The following TTLL5 variants were observed in gnomAD, a reference collection of about 807,000 sequenced individuals.
TTLL5 encodes tubulin polyglutamylase TTLL5.
In TTLL5, 132 loss-of-function variants were observed where a neutral mutation model predicts 168.4. The ratio of observed to expected loss-of-function variants is 0.78; its 90% CI spans 0.68 to 0.91. The LOEUF is 0.91. Ranked by LOEUF, TTLL5 falls within the 40% of genes least tolerant of loss-of-function variation. The pLI, the probability that TTLL5 is intolerant of heterozygous loss-of-function variation, is 0.00. For synonymous variants in TTLL5, 546 were observed against 558.6 expected (o/e 0.98, Z 0.32); for missense variants, 1,545 against 1,581.5 (o/e 0.98, Z 0.39).
chr14:75,856,259 A>G (rs1897118401), intron 28 of TTLL5, among the ~76,000 whole-genome samples: 1 of 152,204 alleles, frequency 6.6e-6, no homozygotes, highest in Non-Finnish European at 1.5e-5. Flanking sequence ...GCTACTTGGG[A>G]GGCTGAGGCA....
intron 12 of TTLL5, among the ~76,000 whole-genome samples, chr14:75,723,905 C>A (rs1888007039): frequency 6.6e-6 from 1 of 152,172 alleles, no homozygotes; most frequent in Admixed American, 6.5e-5. Context: ...GCTTCATTAA[C>A]CTCATCCCAT....
chr14:75,786,285 G>A (rs1892357613), intron 26 of TTLL5, among the ~76,000 whole-genome samples: 1 of 152,112 alleles, frequency 6.6e-6, no homozygotes, highest in Non-Finnish European at 1.5e-5. Context: ...TAAGATGAAT[G>A]TCTTCAGTGG....
Position 75,783,399 on chromosome 14 carries a change from A to G in TTLL5, c.2855A>G (p.Gln952Arg). 1.2e-6 allele frequency: 2 copies of G among 1,614,218 alleles called. No homozygotes were observed. Among genetic ancestry groups the G allele is most frequent in the Non-Finnish European group, 1.7e-6 (2 of 1,180,034 alleles). Residue 952 changes from glutamine (Q) to arginine (R), a missense_variant, in exon 26 of 32, where the codon CAG (glutamine) becomes CGG (arginine). Physicochemically the swap from Gln to Arg is conservative, Grantham distance 43. Transcript: ENST00000298832. ...TCTCCCTGCCTACATCCCGGGGCAC[A>G]GAACATCCCAAGCCCTACTGGCCTG... ...SASPCLHPGA[Q>R]NIPSPTGLPR...
intron 26 of TTLL5, among the ~76,000 whole-genome samples, chr14:75,789,105 G>C (rs1245038163): frequency 6.6e-6 from 1 of 152,064 alleles, no homozygotes; most frequent in Non-Finnish European, 1.5e-5. Context: ...CTTAAAAAAA[G>C]GGTATTTGCC....
At chr14:75,910,916 A>G (rs541062765) in intron 31 of TTLL5, among the ~76,000 whole-genome samples, 1 of 152,374 alleles carries the variant, frequency 6.6e-6, no homozygotes, top group South Asian at 2.1e-4. Context: ...TCTTTTGAAC[A>G]TGCAGGTATT....
intron 2 of TTLL5, among the ~76,000 whole-genome samples, 159 bp from the exon 3 acceptor site, chr14:75,669,257 C>A (rs1291100715): frequency 6.6e-6 from 1 of 152,200 alleles, no homozygotes; most frequent in African/African-American, 2.4e-5. Flanking sequence ...ATTTTAAACA[C>A]ACAGCTAAGA....
intron 20 of TTLL5, among the ~76,000 whole-genome samples, chr14:75,770,987 T>C (rs185879150): frequency 1.3e-5 from 2 of 152,362 alleles, no homozygotes; most frequent in East Asian, 3.9e-4. Flanking sequence ...TAATTGCCAT[T>C]GCAAAATCCA....
intron 15 of TTLL5, among the ~76,000 whole-genome samples, chr14:75,739,037 G>A (rs1889082527): frequency 6.6e-6 from 1 of 152,132 alleles, no homozygotes; most frequent in African/African-American, 2.4e-5. Flanking sequence ...GAACTCCTGA[G>A]CTCAAGCGAT....
intron 2 of TTLL5, among the ~76,000 whole-genome samples, chr14:75,666,826 G>A (rs968437510): frequency 1.3e-5 from 2 of 152,074 alleles, no homozygotes; most frequent in Non-Finnish European, 2.9e-5. Context: ...AATTATTCCC[G>A]GAAAACCAAA....
intron 31 of TTLL5, among the ~76,000 whole-genome samples, chr14:75,908,187 C>A (rs1373754442): frequency 6.6e-6 from 1 of 151,532 alleles, no homozygotes; most frequent in African/African-American, 2.5e-5. Context: ...GATGAGACAG[C>A]ATGTGTGTAT....
chr14:75,691,072 G>A (rs1022397100), intron 6 of TTLL5, among the ~76,000 whole-genome samples: 2 of 152,068 alleles, frequency 1.3e-5, no homozygotes, highest in Non-Finnish European at 2.9e-5. Context: ...CATATCTTTG[G>A]ATGTTAGGGT....
At chr14:75,945,502 G>A (rs369166430) in intron 31 of TTLL5, among the ~76,000 whole-genome samples, 10 of 151,914 alleles carry the variant, frequency 6.6e-5, no homozygotes, top group South Asian at 6.2e-4. Flanking sequence ...TGATCTGCCC[G>A]CCTCAGCCTC....
intron 17 of TTLL5, among the ~76,000 whole-genome samples, chr14:75,751,759 C>T (rs909559223): frequency 5.9e-5 from 9 of 152,000 alleles, no homozygotes; most frequent in South Asian, 2.1e-4. Flanking sequence ...AAAGGGATCC[C>T]GATCCAGACC....
At chr14:75,738,351 A>G (rs1424266424) in intron 15 of TTLL5, among the ~76,000 whole-genome samples, 3 of 152,222 alleles carry the variant, frequency 2.0e-5, no homozygotes, top group African/African-American at 4.8e-5. Context: ...TTGTTTAGCA[A>G]AAAGCTCCAG....
intron 27 of TTLL5, among the ~76,000 whole-genome samples, chr14:75,808,510 GTTCTT>G (rs2140384348): frequency 6.6e-6 from 1 of 152,120 alleles, no homozygotes; most frequent in East Asian, 1.9e-4. Flanking sequence ...GTTTAAGATA[GTTCTT>G]TTCATTTTTC....
At chr14:75,702,540 C>T (rs191547067) in intron 7 of TTLL5, among the ~76,000 whole-genome samples, 33 of 152,094 alleles carry the variant, frequency 2.2e-4, no homozygotes, top group Non-Finnish European at 4.7e-4. Flanking sequence ...TGCTTTTTTG[C>T]CCTAGTGATT....
At chr14:75,816,569 A>G (rs571586586) in intron 27 of TTLL5, among the ~76,000 whole-genome samples, 2 of 152,300 alleles carry the variant, frequency 1.3e-5, no homozygotes, top group South Asian at 2.1e-4. Context: ...TCCATTCACT[A>G]ATCTCCAGAC....
Position 75,899,016 on chromosome 14 carries a change from G to A in TTLL5, c.3741-3126G>A, listed in dbSNP as rs1274010508. Among the ~76,000 whole-genome samples the A allele has an allele frequency of 2.0e-5, 3 of 152,156 alleles. No homozygotes were observed. In the South Asian group the frequency reaches 6.2e-4, roughly 31 times the overall value. ...ATGAGTCATTCAATTTGATATTTCTGTATGTAGATAGACTTATAGTGAATG... is the reference window on the plus strand; with the variant it reads ...ATGAGTCATTCAATTTGATATTTCTATATGTAGATAGACTTATAGTGAATG... On this transcript the variant is annotated intron_variant, in intron 30 of 31. Coordinates refer to ENST00000298832, the MANE Select transcript of TTLL5 (RefSeq NM_015072.5).
chr14:75,905,530 C>T (rs2033107713), intron 31 of TTLL5, among the ~76,000 whole-genome samples: 1 of 152,146 alleles, frequency 6.6e-6, no homozygotes, highest in Non-Finnish European at 1.5e-5. Context: ...GTGGTTTTTC[C>T]TTGACTTACC....
Sources: allele counts gnomAD v4.1 joint callset (sites outside exome capture counted in the v4.1 genomes callset), GRCh38; gene constraint gnomAD v4.1.1; transcripts MANE v1.5; gene names NCBI Gene and HGNC (gene_info 2026-07-23, HGNC 2026-07-21).